Variants in IL18R1 observed in about 807,000 individuals in gnomAD.
IL18R1 encodes interleukin 18 receptor 1, also known as interleukin-18 receptor 1.
IL18R1 carries 40 observed loss-of-function variants against 48.5 expected under a neutral mutation model. The ratio of observed to expected loss-of-function variants is 0.82; its 90% CI spans 0.64 to 1.07. The LOEUF (loss-of-function observed/expected upper bound fraction) is 1.07. IL18R1 is among the 50% of genes least tolerant of loss of function. The pLI is 0.00. For synonymous variants in IL18R1, 232 were observed against 225.9 expected (o/e 1.03, Z -0.24); for missense variants, 596 against 633.7 (o/e 0.94, Z 0.64).
chr2:102,374,441 G>T (rs1679452905), intron 4 of IL18R1, among the ~76,000 whole-genome samples: 2 of 152,112 alleles, frequency 1.3e-5, no homozygotes, highest in African/African-American at 4.8e-5. Flanking sequence ...ATGTACAAAT[G>T]TGTTACAGTA....
chr2:102,390,070 A>G lies in IL18R1; in HGVS notation c.964A>G (p.Ile322Val), dbSNP rs1407025051. ...ILVRKADMAD[I>V]PGHVFTRGMI... ...TTCTTTTCTAGCAGACATGGCTGAT[A>G]TCCCAGGCCACGTCTTCACAAGAGG... The change falls in exon 9 of 11, where the codon ATC becomes GTC. Residue 322 changes from isoleucine to valine, a missense_variant. By Grantham distance (29) the Ile-to-Val change is conservative. Around this residue, in one of 3 missense-constraint regions of IL18R1, gnomAD observed 57 missense variants for 88.2 expected, o/e 0.65. Transcript: ENST00000233957. 1.2e-6 allele frequency: 2 copies of G among 1,613,916 alleles called. No homozygotes were observed. Among genetic ancestry groups the G allele is most frequent in the East Asian group, 2.2e-5 (1 of 44,878 alleles).
At chr2:102,362,860 G>A (rs1393118884) in intron 2 of IL18R1, 142 bp downstream of exon 2, 2 of 485,438 alleles carry the variant, frequency 4.1e-6, no homozygotes, top group East Asian at 3.1e-5. Flanking sequence ...TTCATGTAGT[G>A]AGAGCAGAGT....
At chr2:102,395,152 C>A (rs192414954) in intron 10 of IL18R1, among the ~76,000 whole-genome samples, 25 of 151,758 alleles carry the variant, frequency 1.6e-4, no homozygotes, top group Admixed American at 1.4e-3. Flanking sequence ...AGCGGTGATC[C>A]CCATCAGATC....
chr2:102,382,409 T>C (rs1679972210), intron 6 of IL18R1, among the ~76,000 whole-genome samples: 1 of 152,230 alleles, frequency 6.6e-6, no homozygotes, highest in African/African-American at 2.4e-5. Flanking sequence ...ATTGATTGTA[T>C]ATTTGGAGTT....
At chr2:102,375,847 T>A (rs1679545244) in intron 4 of IL18R1, 60 bp from the exon 5 acceptor site, 1 of 1,158,526 alleles carries the variant, frequency 8.6e-7, no homozygotes, top group African/African-American at 1.6e-5. Flanking sequence ...AAAATTTGGA[T>A]CACTGTAATA....
At chr2:102,388,494 G>A (rs1324759330) in intron 8 of IL18R1, among the ~76,000 whole-genome samples, 1 of 152,156 alleles carries the variant, frequency 6.6e-6, no homozygotes, top group Non-Finnish European at 1.5e-5. Flanking sequence ...CACTTGTGAG[G>A]GAGTGGGGCT....
In IL18R1 at chr2:102,367,174, T is replaced by A. The variant is rs1678954783; in HGVS notation, c.59-651T>A. ...TATTTCCAAAGCCAGAGAATCTGGG[T>A]CAATTGAGAAAGAGGGAAAGTGACA... is the stretch of plus-strand genomic sequence containing the variant. On this transcript the variant is annotated intron_variant, in intron 2 of 10. Coordinates refer to ENST00000233957, the MANE Select transcript of IL18R1 (RefSeq NM_003855.5). Among the ~76,000 whole-genome samples the A allele has an allele frequency of 1.3e-5, 2 of 152,054 alleles. 1 individual carries two copies. The highest frequency in any genetic ancestry group is 4.1e-4 in the South Asian group (2 of 4,820).
At chr2:102,388,519 A>G (rs944476866) in intron 8 of IL18R1, among the ~76,000 whole-genome samples, 2 of 152,072 alleles carry the variant, frequency 1.3e-5, no homozygotes, top group Non-Finnish European at 2.9e-5. Flanking sequence ...TCTTTGTTGG[A>G]CCATCACCTG....
At chr2:102,378,014 C>T (rs1679692068) in intron 5 of IL18R1, among the ~76,000 whole-genome samples, 1 of 152,180 alleles carries the variant, frequency 6.6e-6, no homozygotes, top group Admixed American at 6.5e-5. Flanking sequence ...CTACCCTAAA[C>T]TCTCCAACTT....
At chr2:102,362,309 T>A (rs1221984668) in intron 1 of IL18R1, among the ~76,000 whole-genome samples, 1 of 152,236 alleles carries the variant, frequency 6.6e-6, no homozygotes, top group Non-Finnish European at 1.5e-5. Context: ...CATAGAATGG[T>A]AATATTTGTA....
At chr2:102,390,280 C>A (rs1680490006) in intron 9 of IL18R1, 63 bp downstream of exon 9, 13 of 1,353,038 alleles carry the variant, frequency 9.6e-6, no homozygotes, top group Non-Finnish European at 1.4e-5. Flanking sequence ...GATAAATAGG[C>A]ATTAATCTTC....
chr2:102,394,520 A>C lies in IL18R1; in HGVS notation c.1163A>C (p.Glu388Ala). Residue 388 changes from glutamate (E) to alanine (A), a missense_variant, in exon 10 of 11, where the codon GAA becomes GCA. Glu to Ala is a moderately radical substitution (Grantham distance 107). This residue lies in a region of IL18R1 where 179 missense variants were observed against 206.1 expected (regional missense o/e 0.87). Transcript: ENST00000233957. ...TCTTACCTAAAAGAATGCCGACCTG[A>C]AAATGGAGAGGAGCACACCTTTGCT... The part of the protein sequence containing the change: ...FVSYLKECRP[E>A]NGEEHTFAVE... 1 of 1,613,238 alleles carries C rather than the reference A, an allele frequency of 6.2e-7. No individual in the cohort carries two copies. Among genetic ancestry groups the C allele is most frequent in the Admixed American group, 1.7e-5 (1 of 60,000 alleles).
chr2:102,371,150 G>T (rs1318427895), intron 3 of IL18R1, among the ~76,000 whole-genome samples: 1 of 151,674 alleles, frequency 6.6e-6, no homozygotes, highest in Non-Finnish European at 1.5e-5. Flanking sequence ...TCCGCCTCCT[G>T]CCTCAGCTTC....
At chr2:102,359,343 C>T (rs1360377264) in intron 1 of IL18R1, among the ~76,000 whole-genome samples, 1 of 152,060 alleles carries the variant, frequency 6.6e-6, no homozygotes, top group Non-Finnish European at 1.5e-5. Context: ...TATTTGACCA[C>T]CAACAGGAAA....
chr2:102,382,195 C>T (rs1194335318), intron 6 of IL18R1, among the ~76,000 whole-genome samples: 1 of 152,068 alleles, frequency 6.6e-6, no homozygotes, highest in Non-Finnish European at 1.5e-5. Context: ...ATCTCTTGAA[C>T]CCAGGAGGCA....
Position 102,397,915 on chromosome 2 carries a change from G to T in IL18R1, c.*1029G>T, listed in dbSNP as rs1213509475. ...TGTGAAATTAGAATTTATAATAATT[G>T]CACCTACCTCCCAGGGGTAACTAAA... On this transcript the variant is annotated 3_prime_UTR_variant, in exon 11 of 11. Coordinates refer to ENST00000233957, the MANE Select transcript of IL18R1 (RefSeq NM_003855.5). The T allele has an allele frequency of 2.6e-5, 4 of 152,066 alleles. No individual in the cohort carries two copies. The highest frequency in any genetic ancestry group is 9.7e-5 in the African/African-American group (4 of 41,412). 9.4% of individuals were successfully genotyped at this position (152,066 alleles called of 1,614,324 possible).
intron 2 of IL18R1, among the ~76,000 whole-genome samples, chr2:102,364,500 C>G (rs1184362859): frequency 6.6e-6 from 1 of 152,060 alleles, no homozygotes; most frequent in African/African-American, 2.4e-5. Context: ...AATGACTCAC[C>G]AGGGTTTTGC....
Position 102,394,537 on chromosome 2 carries a change from AC to A in IL18R1, c.1182del (p.Phe395LeufsTer25). Reference protein sequence around the residue: ...ECRPENGEEHTFAVEILPRVL... With the variant: ...ECRPENGEEHXFAVEILPRVL... ...CCGACCTGAAAATGGAGAGGAGCAC[AC>A]CTTTGCTGTGGAGATTTTGCCCAGG... On this transcript the variant is annotated frameshift_variant, in exon 10 of 11. Transcript: ENST00000233957. LOFTEE classifies it high-confidence loss of function. 1 of 1,613,330 alleles carries A rather than the reference AC, an allele frequency of 6.2e-7. No individual in the cohort carries two copies. Among genetic ancestry groups the A allele is most frequent in the Non-Finnish European group, 8.5e-7 (1 of 1,179,434 alleles).
At chr2:102,387,096 C>G (rs772078704) in intron 8 of IL18R1, 96 bp downstream of exon 8, 160 of 1,318,100 alleles carry the variant, frequency 1.2e-4, no homozygotes, top group Admixed American at 2.7e-4. Context: ...CACACCAGAA[C>G]CCAGCTCCTG....
Sources: allele counts gnomAD v4.1 joint callset (sites outside exome capture counted in the v4.1 genomes callset), GRCh38; gene constraint gnomAD v4.1.1; regional missense constraint gnomAD v4.1.1; transcripts MANE v1.5; gene names NCBI Gene and HGNC (gene_info 2026-07-23, HGNC 2026-07-21).